The following PAQR5 variants were observed in gnomAD, a reference collection of about 807,000 sequenced individuals.
PAQR5 encodes progestin and adipoQ receptor family member 5, also known as membrane progestin receptor gamma.
Under a neutral mutation model 34.5 loss-of-function variants are expected in PAQR5, and 20 were observed. The observed-to-expected ratio is 0.58, with a 90% CI of 0.41 to 0.84. The LOEUF is 0.84. Among genes scored for constraint, PAQR5 ranks in the 40% least tolerant of loss-of-function variants. The pLI, the probability that PAQR5 is intolerant of heterozygous loss-of-function variation, is 0.00. For synonymous variants in PAQR5, 131 were observed against 155.6 expected, an observed-to-expected ratio of 0.84 and a Z score of 1.18; for missense variants, 378 against 412.7, an observed-to-expected ratio of 0.92 and a Z score of 0.73.
intron 7 of PAQR5, among the ~76,000 whole-genome samples, chr15:69,399,504 G>A (rs2056556582): frequency 1.3e-5 from 2 of 152,216 alleles, no homozygotes; most frequent in South Asian, 4.2e-4. Context: ...AAGTTTGGGG[G>A]AGTCAAAAGT....
intron 2 of PAQR5, among the ~76,000 whole-genome samples, chr15:69,341,805 G>T (rs550413510): frequency 1.8e-4 from 27 of 151,844 alleles, no homozygotes; most frequent in Non-Finnish European, 2.1e-4. Context: ...ATTAGATGGT[G>T]TGGTGGCATG....
intron 1 of PAQR5, among the ~76,000 whole-genome samples, chr15:69,325,346 C>A (rs2054224616): frequency 1.3e-5 from 2 of 152,126 alleles, no homozygotes; most frequent in African/African-American, 4.8e-5. Flanking sequence ...GCCACAGCAC[C>A]CTGGAATGTT....
chr15:69,346,792 T>TTTGTG (rs2054786384), intron 2 of PAQR5, among the ~76,000 whole-genome samples: 1 of 93,734 alleles, frequency 1.1e-5, no homozygotes, highest in Admixed American at 1.2e-4. Flanking sequence ...TGGCTAATTT[T>TTTGTG]TGTATTTTTA....
rs557089259 is a variant in PAQR5, at chr15:69,405,817, T to A, written c.*1995T>A. 6.6e-6 allele frequency: 1 copy of A among 152,204 alleles called. No individual in the cohort carries two copies. The highest frequency in any genetic ancestry group is 1.5e-5 in the Non-Finnish European group (1 of 68,040). 9.4% of individuals were successfully genotyped at this position (152,204 alleles called of 1,614,324 possible). ...CACATGCTTAATGATGGAAATGAAA[T>A]GTTAAATCAACAAAATAAGATCCAG... On this transcript the variant is annotated 3_prime_UTR_variant, in exon 9 of 9. Transcript: ENST00000395407.
At chr15:69,342,005 T>C (rs922216237) in intron 2 of PAQR5, among the ~76,000 whole-genome samples, 1 of 152,092 alleles carries the variant, frequency 6.6e-6, no homozygotes, top group Non-Finnish European at 1.5e-5. Context: ...CTGGATTATA[T>C]GGTAATTCTG....
At chr15:69,354,421 TTAAG>T (rs2140808498) in intron 2 of PAQR5, among the ~76,000 whole-genome samples, 1 of 152,328 alleles carries the variant, frequency 6.6e-6, no homozygotes, top group Non-Finnish European at 1.5e-5. Context: ...GTATCAGTAG[TTAAG>T]TATTATTAAT....
At position 69,403,695 on chromosome 15, in the gene PAQR5, C is replaced by T. The variant is rs1487825112; in HGVS notation, c.866C>T (p.Pro289Leu). 3 of 1,614,152 alleles carry T rather than the reference C, an allele frequency of 1.9e-6. No individual in the cohort carries two copies. The highest frequency in any genetic ancestry group is 2.5e-6 in the Non-Finnish European group (3 of 1,180,030). ...RKEWLLATSK[P>L]FSFSQIAGAI... Reference sequence around the variant, plus strand: ...GAATGGCTCCTGGCCACCTCCAAGCCCTTCTCTTTCTCTCAGATAGCTGGA... The same window carrying T: ...GAATGGCTCCTGGCCACCTCCAAGCTCTTCTCTTTCTCTCAGATAGCTGGA... The change falls in exon 9 of 9, where the codon CCC (proline) becomes CTC (leucine). Residue 289 changes from proline to leucine, a missense_variant. By Grantham distance (98) the Pro-to-Leu change is moderately conservative (BLOSUM62 -3). Coordinates refer to ENST00000395407, the MANE Select transcript of PAQR5 (RefSeq NM_017705.4).
chr15:69,394,294 G>T (rs1483313291), intron 6 of PAQR5, among the ~76,000 whole-genome samples: 1 of 152,098 alleles, frequency 6.6e-6, no homozygotes, highest in South Asian at 2.1e-4. Flanking sequence ...GCTGGAGGTA[G>T]AAGGCTCAGC....
At chr15:69,400,278 G>C (rs1256914185) in intron 8 of PAQR5, among the ~76,000 whole-genome samples, 163 bp downstream of exon 8, 1 of 152,228 alleles carries the variant, frequency 6.6e-6, no homozygotes, top group Non-Finnish European at 1.5e-5. Flanking sequence ...GTCTGCAGCA[G>C]GTGCATTGTT....
chr15:69,386,905 G>A (rs912623868), intron 5 of PAQR5, among the ~76,000 whole-genome samples: 6 of 151,960 alleles, frequency 3.9e-5, no homozygotes, highest in East Asian at 1.9e-4. Flanking sequence ...ACTGATGGTC[G>A]CGCCCCTACT....
rs114781516 is a variant in PAQR5, at chr15:69,331,578, T to C, written c.-276-5763T>C. Among the ~76,000 whole-genome samples, 800 of 152,216 alleles carry C rather than the reference T, an allele frequency of 5.3e-3. 9 individuals are homozygous for C. Among genetic ancestry groups the C allele is most frequent in the African/African-American group, 0.018 (761 of 41,524 alleles). On this transcript the variant is annotated intron_variant, in intron 1 of 8. Transcript: ENST00000395407. ...ACTCAGAGATCCCTCCTTATTTGCC[T>C]GGTTACATTTGGTAAGCCCTAAAGA...
chr15:69,367,612 C>A (rs1316679714), intron 3 of PAQR5, among the ~76,000 whole-genome samples: 5 of 152,154 alleles, frequency 3.3e-5, no homozygotes, highest in African/African-American at 1.2e-4. Flanking sequence ...CCTGAACACA[C>A]CTATCTTGCC....
intron 4 of PAQR5, chr15:69,383,119 C>G (rs143985171): frequency 6.6e-6 from 1 of 152,452 alleles, no homozygotes; most frequent in East Asian, 1.9e-4. Flanking sequence ...GACCCCCCAC[C>G]TTCCTAGCAC....
At chr15:69,306,991 G>A (rs1452134779) in intron 1 of PAQR5, among the ~76,000 whole-genome samples, 2 of 152,120 alleles carry the variant, frequency 1.3e-5, no homozygotes, top group Non-Finnish European at 2.9e-5. Context: ...TCTTCACTTA[G>A]CATAATTTCA....
intron 3 of PAQR5, among the ~76,000 whole-genome samples, chr15:69,370,587 T>C (rs1467623350): frequency 6.6e-6 from 1 of 152,214 alleles, no homozygotes; most frequent in Non-Finnish European, 1.5e-5. Flanking sequence ...TGGCGCGATC[T>C]TGGCTCACTG....
At chr15:69,396,850 T>C (rs2056450975) in intron 6 of PAQR5, 1 of 297,866 alleles carries the variant, frequency 3.4e-6, no homozygotes, top group African/African-American at 2.2e-5. Flanking sequence ...TTAATGTTGC[T>C]GTCAGCTGTC....
chr15:69,362,222 GGAT>G (rs1212511337), intron 3 of PAQR5, among the ~76,000 whole-genome samples: 1 of 152,176 alleles, frequency 6.6e-6, no homozygotes, highest in Non-Finnish European at 1.5e-5. Context: ...GTAAGTTAGA[GGAT>G]GATGATATCT....
chr15:69,309,358 G>A (rs72756349), intron 1 of PAQR5, among the ~76,000 whole-genome samples: 351 of 152,314 alleles, frequency 2.3e-3, no homozygotes, highest in African/African-American at 8.0e-3. Context: ...TGTGGAGCAC[G>A]AGTAAGTGCA....
At position 69,305,634 on chromosome 15, in the gene PAQR5, G is replaced by A. The variant is rs748529951; in HGVS notation, c.-277+6578G>A. On this transcript the variant is annotated intron_variant, in intron 1 of 8. Coordinates refer to ENST00000395407, the MANE Select transcript of PAQR5 (RefSeq NM_017705.4). ...TCATCTATTCATGCCCTAGGACTCA[G>A]CATTCCACCCACTTTCCCCTCTCAC... is the stretch of plus-strand genomic sequence containing the variant. Among the ~76,000 whole-genome samples, 63 of 152,170 alleles carry A rather than the reference G, an allele frequency of 4.1e-4. 1 individual carries two copies. The highest frequency in any genetic ancestry group is 3.4e-3 in the Middle Eastern group (1 of 294).
Sources: allele counts gnomAD v4.1 joint callset (sites outside exome capture counted in the v4.1 genomes callset), GRCh38; gene constraint gnomAD v4.1.1; transcripts MANE v1.5; gene names NCBI Gene and HGNC (gene_info 2026-07-23, HGNC 2026-07-21).